The following TNKS variants were observed in gnomAD, a reference collection of about 807,000 sequenced individuals.
The protein encoded by TNKS is poly [ADP-ribose] polymerase tankyrase-1.
TNKS carries 72 observed loss-of-function variants against 135.8 expected under a neutral mutation model. The ratio of observed to expected loss-of-function variants is 0.53; its 90% CI spans 0.44 to 0.64. The LOEUF is 0.64. TNKS is among the 30% of genes least tolerant of loss of function. The pLI, the probability that TNKS is intolerant of heterozygous loss-of-function variation, is 0.00. For synonymous variants in TNKS, 849 were observed against 649.3 expected, an observed-to-expected ratio of 1.31 and a Z score of -4.68; for missense variants, 1,769 against 1,674.0, an observed-to-expected ratio of 1.06 and a Z score of -0.99.
chr8:9,644,175 G>A (rs1800825279), intron 3 of TNKS, among the ~76,000 whole-genome samples: 1 of 152,188 alleles, frequency 6.6e-6, no homozygotes, highest in African/African-American at 2.4e-5. Context: ...CAGTTGAAGA[G>A]TGCTGTGAAT....
intron 1 of TNKS, among the ~76,000 whole-genome samples, chr8:9,569,200 T>C (rs2129051060): frequency 6.6e-6 from 1 of 152,302 alleles, no homozygotes; most frequent in Admixed American, 6.5e-5. Context: ...TCCTAAAAGA[T>C]TCTAATAATT....
chr8:9,706,912 T>C lies in TNKS; in HGVS notation c.1371T>C (p.His457=). The stretch of plus-strand genomic sequence containing the variant: ...AAGTCTGCTCTTTGTTACTTAGCCA[T>C]GGCGCTGATCCTACATTAGTCAACT... ...RVEVCSLLLS[H]GADPTLVNCH... Residue 457 remains histidine (H), a synonymous_variant, in exon 8 of 27, where the codon CAT becomes CAC. Transcript: ENST00000310430. 1 of 1,614,112 alleles carries C rather than the reference T, an allele frequency of 6.2e-7. No individual in the cohort carries two copies.
rs1805650205 is a variant in TNKS at position 9,735,457 on chromosome 8, A to G, written c.2614A>G (p.Ile872Val). 1 of 1,613,894 alleles carries G rather than the reference A, an allele frequency of 6.2e-7. No individual in the cohort carries two copies. Among genetic ancestry groups the G allele is most frequent in the Non-Finnish European group, 8.5e-7 (1 of 1,179,976 alleles). ...TAATGCCCAGGACAAGGGTGGTTTAATTCCTCTTCATAATGCGGCATCTTA... is the reference window on the plus strand; with the variant it reads ...TAATGCCCAGGACAAGGGTGGTTTAGTTCCTCTTCATAATGCGGCATCTTA... Reference protein sequence around the residue: ...DVNAQDKGGLIPLHNAASYGH... With the variant: ...DVNAQDKGGLVPLHNAASYGH... The change falls in exon 17 of 27, where the codon ATT (isoleucine) becomes GTT (valine). Residue 872 changes from isoleucine to valine, a missense_variant. Transcript: ENST00000310430.
chr8:9,761,786 C>G, intron 21 of TNKS, 150 bp downstream of exon 21: 1 of 788,388 alleles, frequency 1.3e-6, no homozygotes, highest in South Asian at 2.0e-5. Context: ...TTATTGGCCT[C>G]ATGCTCCCTC....
intron 1 of TNKS, among the ~76,000 whole-genome samples, chr8:9,569,605 G>A (rs1376833459): frequency 6.6e-6 from 1 of 152,172 alleles, no homozygotes; most frequent in Non-Finnish European, 1.5e-5. Context: ...TGGTTTTTAT[G>A]TGTGTTCTAT....
At chr8:9,563,231 A>G (rs571943933) in intron 1 of TNKS, among the ~76,000 whole-genome samples, 26 of 152,244 alleles carry the variant, frequency 1.7e-4, no homozygotes, top group Middle Eastern at 3.4e-3. Flanking sequence ...AACTATGTCT[A>G]TCTGCCCCCA....
At chr8:9,696,687 A>C (rs1010578811) in intron 5 of TNKS, among the ~76,000 whole-genome samples, 1 of 152,158 alleles carries the variant, frequency 6.6e-6, no homozygotes, top group Non-Finnish European at 1.5e-5. Flanking sequence ...TCAAGATCTC[A>C]ATCCCATTTA....
At chr8:9,652,255 G>T (rs1801174204) in intron 3 of TNKS, among the ~76,000 whole-genome samples, 1 of 152,108 alleles carries the variant, frequency 6.6e-6, no homozygotes, top group South Asian at 2.1e-4. Context: ...TGAGGAAGTG[G>T]ATATTTACTC....
intron 12 of TNKS, among the ~76,000 whole-genome samples, chr8:9,721,742 T>C (rs13276965): frequency 0.7 from 106,309 of 151,748 alleles, 37,781 homozygotes; most frequent in Admixed American, 0.8. Flanking sequence ...TAGGTACCTT[T>C]CCAAAAATCT....
At chr8:9,688,305 A>G (rs1803104276) in intron 5 of TNKS, among the ~76,000 whole-genome samples, 2 of 152,220 alleles carry the variant, frequency 1.3e-5, no homozygotes, top group South Asian at 2.1e-4. Flanking sequence ...TGCAAACAGA[A>G]GTCTGATTTC....
At chr8:9,727,748 A>G (rs1805234176) in intron 13 of TNKS, among the ~76,000 whole-genome samples, 1 of 152,224 alleles carries the variant, frequency 6.6e-6, no homozygotes, top group African/African-American at 2.4e-5. Flanking sequence ...GTGACGGTAA[A>G]CACGTTTTAA....
chr8:9,756,477 C>G (rs1241294925), intron 20 of TNKS, among the ~76,000 whole-genome samples: 3 of 151,456 alleles, frequency 2.0e-5, no homozygotes, highest in Admixed American at 6.6e-5. Context: ...ATAGAAATAA[C>G]TAGCCCAACA....
rs1465816396 is a variant in TNKS at position 9,777,774 on chromosome 8, A to G, written c.*1038A>G. The stretch of plus-strand genomic sequence containing the variant: ...CCTCCAAATTAGCTGCCTTATTTCA[A>G]AAGTCAGTGAAATTACTGCACTTGA... On this transcript the variant is annotated 3_prime_UTR_variant, in exon 27 of 27. Transcript: ENST00000310430. The G allele has an allele frequency of 6.6e-6, 1 of 152,218 alleles. No individual in the cohort carries two copies. The allele number at this position is 152,218 out of a possible 1,614,324, so 9.4% of individuals were successfully genotyped here.
intron 1 of TNKS, among the ~76,000 whole-genome samples, chr8:9,572,128 A>T (rs894151651): frequency 6.6e-6 from 1 of 152,122 alleles, no homozygotes; most frequent in Non-Finnish European, 1.5e-5. Flanking sequence ...TACTGAATTC[A>T]TTTTTTGTCA....
At chr8:9,741,541 G>A (rs1805960328) in intron 17 of TNKS, 2 of 224,232 alleles carry the variant, frequency 8.9e-6, no homozygotes, top group African/African-American at 2.2e-5. Context: ...TCTTCTCATG[G>A]GATAGCGTTA....
chr8:9,771,909 ATG>A (rs1262318538), intron 26 of TNKS, among the ~76,000 whole-genome samples: 1 of 16 alleles, frequency 0.062, no homozygotes, highest in Non-Finnish European at 0.071. Context: ...GAAGGAAGGG[ATG>A]GGGAGAGAGG....
At chr8:9,696,009 G>C (rs1045202689) in intron 5 of TNKS, among the ~76,000 whole-genome samples, 1 of 152,176 alleles carries the variant, frequency 6.6e-6, no homozygotes, top group Non-Finnish European at 1.5e-5. Context: ...TGTCACATAG[G>C]CAGTTGGATT....
intron 3 of TNKS, among the ~76,000 whole-genome samples, chr8:9,629,345 C>T (rs886722322): frequency 6.6e-6 from 1 of 152,216 alleles, no homozygotes; most frequent in African/African-American, 2.4e-5. Flanking sequence ...GACTGCTGTA[C>T]GTCAGGCTTC....
At chr8:9,623,051 G>A (rs375885547) in intron 3 of TNKS, among the ~76,000 whole-genome samples, 1 of 152,168 alleles carries the variant, frequency 6.6e-6, no homozygotes, top group South Asian at 2.1e-4. Flanking sequence ...TTATGTCAAT[G>A]TGGTCTCTCT....
Sources: allele counts gnomAD v4.1 joint callset (sites outside exome capture counted in the v4.1 genomes callset), GRCh38; gene constraint gnomAD v4.1.1; transcripts MANE v1.5; gene names NCBI Gene and HGNC (gene_info 2026-07-23, HGNC 2026-07-21).